LRRTM4: variants seen among roughly 807,000 people sequenced by gnomAD.
LRRTM4 encodes leucine rich repeat transmembrane neuronal 4.
In LRRTM4, 25 loss-of-function variants were observed where a neutral mutation model predicts 47.6. The observed-to-expected ratio is 0.53, with a 90% CI of 0.38 to 0.73. LRRTM4 has a LOEUF of 0.73. Ranked by LOEUF, LRRTM4 falls within the 30% of genes least tolerant of loss-of-function variation. The pLI is 0.00. For synonymous variants in LRRTM4, 311 were observed against 269.5 expected (o/e 1.15, Z -1.51); for missense variants, 638 against 713.4 (o/e 0.89, Z 1.20).
Position 77,518,929 on chromosome 2 carries a change from C to T in LRRTM4, c.940G>A (p.Glu314Lys). The part of the protein sequence containing the change: ...ISITLSGNMW[E>K]CSRSICPLFY... ...AAAGGACAAATGCTCCGACTGCATT[C>T]CCACATATTTCCAGACAATGTGATG... The change falls in exon 3 of 4, where the codon GAA becomes AAA. Residue 314 changes from glutamate to lysine, a missense_variant. Physicochemically the swap from Glu to Lys is moderately conservative, Grantham distance 56 (BLOSUM62 1). Coordinates refer to ENST00000409884, the MANE Select transcript of LRRTM4 (RefSeq NM_001134745.3). 1.2e-6 allele frequency: 2 copies of T among 1,610,004 alleles called. 1 individual carries two copies.
intron 3 of LRRTM4, among the ~76,000 whole-genome samples, chr2:76,760,171 C>T (rs1316578765): frequency 6.6e-6 from 1 of 152,094 alleles, no homozygotes. Context: ...TACGATCTCC[C>T]ACCCATTCTT....
At chr2:76,927,302 A>G (rs924893761) in intron 3 of LRRTM4, among the ~76,000 whole-genome samples, 3 of 152,116 alleles carry the variant, frequency 2.0e-5, no homozygotes, top group Non-Finnish European at 4.4e-5. Context: ...TTCTCCCAAA[A>G]TGATCCAATT....
At chr2:76,947,510 T>A (rs1046418547) in intron 3 of LRRTM4, among the ~76,000 whole-genome samples, 5 of 151,894 alleles carry the variant, frequency 3.3e-5, no homozygotes, top group African/African-American at 1.2e-4. Context: ...AATAAAATAT[T>A]TGTGTTATTT....
intron 3 of LRRTM4, among the ~76,000 whole-genome samples, chr2:77,348,057 TTA>T (rs1671633613): frequency 6.6e-6 from 1 of 150,724 alleles, no homozygotes; most frequent in Non-Finnish European, 1.5e-5. Context: ...ACATATTTAC[TTA>T]TATATGTTTT....
intron 3 of LRRTM4, among the ~76,000 whole-genome samples, chr2:77,266,722 C>T (rs1676059867): frequency 6.6e-6 from 1 of 151,966 alleles, no homozygotes; most frequent in African/African-American, 2.4e-5. Context: ...CTGCAGGAAG[C>T]AGGAGGACAG....
chr2:77,406,163 A>T (rs1210299453), intron 3 of LRRTM4, among the ~76,000 whole-genome samples: 3 of 152,106 alleles, frequency 2.0e-5, no homozygotes, highest in East Asian at 3.9e-4. Context: ...AGAGTGGCAG[A>T]TGACAAAACA....
intron 3 of LRRTM4, among the ~76,000 whole-genome samples, chr2:77,026,350 T>TCTA (rs1300414852): frequency 6.6e-6 from 1 of 152,052 alleles, no homozygotes; most frequent in Non-Finnish European, 1.5e-5. Flanking sequence ...AAAGTTAAAA[T>TCTA]CCTTGTGCAA....
intron 3 of LRRTM4, among the ~76,000 whole-genome samples, chr2:76,925,431 C>T (rs975013815): frequency 6.6e-6 from 1 of 152,068 alleles, no homozygotes; most frequent in African/African-American, 2.4e-5. Context: ...AGGCTCTTAG[C>T]CGAGGATCCA....
At chr2:77,220,787 T>G (rs539058024) in intron 3 of LRRTM4, among the ~76,000 whole-genome samples, 21 of 152,344 alleles carry the variant, frequency 1.4e-4, no homozygotes, top group Admixed American at 1.0e-3. Context: ...CTCTGCAGGA[T>G]ATTATCCAAG....
At chr2:76,940,049 A>C (rs968291076) in intron 3 of LRRTM4, among the ~76,000 whole-genome samples, 1 of 152,146 alleles carries the variant, frequency 6.6e-6, no homozygotes, top group African/African-American at 2.4e-5. Context: ...TGGGGGTGTA[A>C]ATCAGTTCAA....
intron 3 of LRRTM4, among the ~76,000 whole-genome samples, chr2:76,847,104 G>A (rs1345722365): frequency 6.6e-6 from 1 of 152,114 alleles, no homozygotes; most frequent in Non-Finnish European, 1.5e-5. Context: ...CTGCTTTTAA[G>A]TGGAGTCCTT....
At chr2:76,900,172 T>C (rs985677430) in intron 3 of LRRTM4, among the ~76,000 whole-genome samples, 1 of 152,056 alleles carries the variant, frequency 6.6e-6, no homozygotes, top group Non-Finnish European at 1.5e-5. Context: ...AAGCACAGAT[T>C]GCAGTGAGCC....
intron 3 of LRRTM4, among the ~76,000 whole-genome samples, chr2:76,849,276 T>C (rs1015371817): frequency 6.6e-6 from 1 of 152,076 alleles, no homozygotes; most frequent in African/African-American, 2.4e-5. Flanking sequence ...GGCTTTCTGT[T>C]TTTGTGCTCA....
At chr2:76,912,790 A>C (rs991844598) in intron 3 of LRRTM4, among the ~76,000 whole-genome samples, 2 of 152,100 alleles carry the variant, frequency 1.3e-5, no homozygotes, top group Non-Finnish European at 2.9e-5. Context: ...TGGTGATTTA[A>C]AAGGGTGTGG....
intron 3 of LRRTM4, among the ~76,000 whole-genome samples, chr2:77,283,060 A>T (rs958021722): frequency 1.3e-5 from 2 of 152,102 alleles, no homozygotes; most frequent in African/African-American, 4.8e-5. Flanking sequence ...AATGGTAGAA[A>T]ATATTCACAA....
At chr2:76,987,710 C>T (rs1410060560) in intron 3 of LRRTM4, among the ~76,000 whole-genome samples, 1 of 151,818 alleles carries the variant, frequency 6.6e-6, no homozygotes, top group Non-Finnish European at 1.5e-5. Flanking sequence ...TTGCTCCACA[C>T]AGTTTCTCGA....
At chr2:76,781,709 G>C (rs746039769) in intron 3 of LRRTM4, among the ~76,000 whole-genome samples, 1 of 152,118 alleles carries the variant, frequency 6.6e-6, no homozygotes, top group Non-Finnish European at 1.5e-5. Flanking sequence ...GAAATCACCC[G>C]TCCTCTGCGT....
At chr2:77,431,145 C>G (rs1675361069) in intron 3 of LRRTM4, among the ~76,000 whole-genome samples, 1 of 149,068 alleles carries the variant, frequency 6.7e-6, no homozygotes, top group Admixed American at 6.6e-5. Flanking sequence ...GCCTCCATGA[C>G]CGCATGAGCC....
At chr2:77,479,206 AT>A in intron 3 of LRRTM4, among the ~76,000 whole-genome samples, 1 of 151,914 alleles carries the variant, frequency 6.6e-6, no homozygotes. Flanking sequence ...GTAATTCAGT[AT>A]TTTTATATAA....
Sources: gnomAD v4.1 joint callset for allele counts (sites outside exome capture counted in the v4.1 genomes callset) on GRCh38, gnomAD v4.1.1 for gene constraint, MANE v1.5 for transcripts, NCBI Gene and HGNC (gene_info 2026-07-23, HGNC 2026-07-21) for gene names.